Variants in SMOC1 observed in about 807,000 individuals in gnomAD.
The protein encoded by SMOC1 is SPARC-related modular calcium-binding protein 1.
SMOC1 carries 22 observed loss-of-function variants against 56.3 expected under a neutral mutation model. That is an observed-to-expected ratio of 0.39 (90% confidence interval 0.28 to 0.56). The LOEUF is 0.56. Among genes scored for constraint, SMOC1 ranks in the 20% least tolerant of loss-of-function variants. The pLI is 0.61. For missense variants in SMOC1, 509 were observed against 565.4 expected (o/e 0.90, Z 1.01); for synonymous variants, 193 against 215.0 (o/e 0.90, Z 0.89).
intron 1 of SMOC1, among the ~76,000 whole-genome samples, chr14:69,915,211 C>T (rs1024590418): frequency 2.0e-5 from 3 of 152,192 alleles, no homozygotes; most frequent in Non-Finnish European, 4.4e-5. Flanking sequence ...ATTGGTCCTC[C>T]TTCTTCAATC....
chr14:69,999,462 C>T (rs1455826994), intron 7 of SMOC1, among the ~76,000 whole-genome samples: 4 of 152,212 alleles, frequency 2.6e-5, no homozygotes, highest in Admixed American at 6.5e-5. Flanking sequence ...CCTGGAATCT[C>T]GCACATGACG....
At chr14:69,971,164 A>C (rs1243768078) in intron 3 of SMOC1, among the ~76,000 whole-genome samples, 1 of 152,196 alleles carries the variant, frequency 6.6e-6, no homozygotes, top group Non-Finnish European at 1.5e-5. Flanking sequence ...GATTACAGGC[A>C]TCTGCCACCA....
chr14:69,930,672 A>G (rs974465696), intron 1 of SMOC1, among the ~76,000 whole-genome samples: 2 of 152,174 alleles, frequency 1.3e-5, no homozygotes, highest in Non-Finnish European at 1.5e-5. Flanking sequence ...CTCAGGGCTT[A>G]GGCCTCAGAA....
At chr14:69,903,855 C>T (rs1884333829) in intron 1 of SMOC1, among the ~76,000 whole-genome samples, 2 of 151,058 alleles carry the variant, frequency 1.3e-5, no homozygotes, top group Admixed American at 1.3e-4. Flanking sequence ...TGTCCTATGA[C>T]CCTGCCAAAT....
intron 10 of SMOC1, among the ~76,000 whole-genome samples, chr14:70,021,113 C>G (rs976959863): frequency 3.3e-5 from 5 of 152,156 alleles, no homozygotes; most frequent in African/African-American, 1.2e-4. Flanking sequence ...CCTTGGAACT[C>G]TCATGGCTCC....
At chr14:69,955,868 AT>A (rs1332553624) in intron 3 of SMOC1, among the ~76,000 whole-genome samples, 1 of 152,156 alleles carries the variant, frequency 6.6e-6, no homozygotes, top group African/African-American at 2.4e-5. Flanking sequence ...CTTCTCTCAG[AT>A]TAGTTTGGGG....
At chr14:70,011,266 T>C (rs1392264763) in intron 8 of SMOC1, among the ~76,000 whole-genome samples, 1 of 152,194 alleles carries the variant, frequency 6.6e-6, no homozygotes, top group African/African-American at 2.4e-5. Flanking sequence ...ATCATTGTTA[T>C]TATGCTTGAG....
chr14:70,010,679 G>T, intron 7 of SMOC1, 75 bp from the exon 8 acceptor site: 1 of 1,519,122 alleles, frequency 6.6e-7, no homozygotes, highest in Non-Finnish European at 9.1e-7. Flanking sequence ...TACTTACTTT[G>T]GATGCTGGGC....
At chr14:70,021,201 G>T (rs1399327210) in intron 10 of SMOC1, among the ~76,000 whole-genome samples, 2 of 152,124 alleles carry the variant, frequency 1.3e-5, no homozygotes, top group African/African-American at 4.8e-5. Context: ...TTCCTTGGGG[G>T]CCTTCTGTCT....
intron 1 of SMOC1, among the ~76,000 whole-genome samples, chr14:69,912,426 T>A (rs1400913110): frequency 2.0e-5 from 3 of 152,154 alleles, no homozygotes; most frequent in African/African-American, 7.2e-5. Context: ...TTAAAAAAAT[T>A]TTTTTTGTAG....
intron 11 of SMOC1, among the ~76,000 whole-genome samples, chr14:70,028,049 G>A (rs191308874): frequency 6.6e-6 from 1 of 152,156 alleles, no homozygotes; most frequent in Non-Finnish European, 1.5e-5. Context: ...AGCTGGCTGG[G>A]GGAAGGATGC....
chr14:69,894,485 T>C (rs1170107229), intron 1 of SMOC1, among the ~76,000 whole-genome samples: 2 of 152,120 alleles, frequency 1.3e-5, no homozygotes, highest in Non-Finnish European at 2.9e-5. Flanking sequence ...CGGTGGGAGA[T>C]AGGGTTACCC....
At chr14:69,923,981 T>C (rs759509743) in intron 1 of SMOC1, among the ~76,000 whole-genome samples, 4 of 152,172 alleles carry the variant, frequency 2.6e-5, no homozygotes, top group Non-Finnish European at 5.9e-5. Flanking sequence ...AGAGAGAAGA[T>C]TCACAGTACT....
chr14:69,992,277 T>C (rs1806041014), intron 5 of SMOC1, 140 bp from the exon 6 acceptor site: 1 of 751,294 alleles, frequency 1.3e-6, no homozygotes, highest in South Asian at 1.6e-5. Context: ...TTTCTTCTTT[T>C]GTTTCTTTTT....
chr14:70,022,685 TCTCATAGAGACAGTGAGC>T (rs1885770886), intron 10 of SMOC1, among the ~76,000 whole-genome samples: 1 of 152,222 alleles, frequency 6.6e-6, no homozygotes, highest in African/African-American at 2.4e-5. Context: ...TTTGGCTCTG[TCTCATAGAGACAGTGAGC>T]CACTTGAGGC....
intron 3 of SMOC1, among the ~76,000 whole-genome samples, chr14:69,966,952 C>T (rs1883599491): frequency 6.6e-6 from 1 of 152,174 alleles, no homozygotes. Context: ...TCCATCTGGC[C>T]TCCTTCTTCT....
intron 3 of SMOC1, among the ~76,000 whole-genome samples, chr14:69,959,775 G>A (rs559118277): frequency 6.6e-6 from 1 of 152,074 alleles, no homozygotes; most frequent in African/African-American, 2.4e-5. Context: ...ATGATGCTTT[G>A]TTCTGAAGTT....
At position 69,961,270 on chromosome 14, in the gene SMOC1, GTGTATATATATATATA is replaced by G. The variant is rs1320184752; in HGVS notation, c.378+7740_378+7755del. 2.4e-3 allele frequency among the ~76,000 whole-genome samples: 141 copies of G among 59,690 alleles called. 5 individuals are homozygous for G. Among genetic ancestry groups the G allele is most frequent in the African/African-American group, 0.01 (131 of 12,540 alleles). The allele number at this position is 59,690 out of a possible 152,430, so 39.2% of individuals were successfully genotyped here. A position where few individuals can be genotyped will look rare whatever the true frequency, so the allele number is the denominator to read the frequency against. On this transcript the variant is annotated intron_variant, in intron 3 of 11. Transcript: ENST00000361956. ...TTTTATTGTCAAGCAATATTCTATT[GTGTATATATATATATA>G]TATATATATATATATATATATATAT...
At chr14:70,027,892 C>T (rs573819303) in intron 11 of SMOC1, among the ~76,000 whole-genome samples, 1 of 152,318 alleles carries the variant, frequency 6.6e-6, no homozygotes, top group South Asian at 2.1e-4. Flanking sequence ...CTCCATCCCT[C>T]TGCTCTGCAG....
Sources: allele counts gnomAD v4.1 joint callset (sites outside exome capture counted in the v4.1 genomes callset), GRCh38; gene constraint gnomAD v4.1.1; transcripts MANE v1.5; gene names NCBI Gene and HGNC (gene_info 2026-07-23, HGNC 2026-07-21).